The following DNAH7 variants were observed in gnomAD, a reference collection of about 807,000 sequenced individuals.
DNAH7 encodes the protein dynein axonemal heavy chain 7, also known as axonemal beta dynein heavy chain 7.
A neutral mutation model predicts 444.6 loss-of-function variants in DNAH7; 397 were observed. The observed-to-expected ratio is 0.89, with a 90% CI of 0.82 to 0.97. The LOEUF is 0.97. Ranked by LOEUF, DNAH7 falls within the 50% of genes least tolerant of loss-of-function variation. The pLI is 0.00. For synonymous variants in DNAH7, 1,636 were observed against 1,624.4 expected (o/e 1.01, Z -0.17); for missense variants, 4,902 against 4,800.8 (o/e 1.02, Z -0.62).
At chr2:195,994,571 G>T in intron 12 of DNAH7, 1 of 487,250 alleles carries the variant, frequency 2.1e-6, no homozygotes. Flanking sequence ...TCACTGGATT[G>T]TGTGTTTCCA....
At chr2:195,796,309 CA>C (rs1696135486) in intron 56 of DNAH7, among the ~76,000 whole-genome samples, 2 of 152,188 alleles carry the variant, frequency 1.3e-5, no homozygotes, top group Admixed American at 1.3e-4. Context: ...TCTCCTCCTT[CA>C]GCCTGCTCCT....
intron 62 of DNAH7, 30 bp from the exon 63 acceptor site, chr2:195,754,544 G>A (rs371626467): frequency 6.3e-7 from 1 of 1,594,146 alleles, no homozygotes; most frequent in East Asian, 2.2e-5. Flanking sequence ...TGGGCTAACA[G>A]TAGCACCTTT....
chr2:195,809,509 CAATT>C (rs1235748589), intron 52 of DNAH7, among the ~76,000 whole-genome samples: 1 of 152,060 alleles, frequency 6.6e-6, no homozygotes, highest in Non-Finnish European at 1.5e-5. Flanking sequence ...CTAATATAAT[CAATT>C]TATTTTAAAA....
At chr2:195,854,440 T>C (rs566325007) in intron 45 of DNAH7, among the ~76,000 whole-genome samples, 40 of 152,342 alleles carry the variant, frequency 2.6e-4, no homozygotes, top group African/African-American at 9.6e-4. Flanking sequence ...AAAAGATGTA[T>C]AATTCTGTAT....
chr2:195,861,162 T>C (rs542017179), intron 42 of DNAH7, among the ~76,000 whole-genome samples: 50 of 152,288 alleles, frequency 3.3e-4, no homozygotes, highest in South Asian at 8.3e-4. Flanking sequence ...AATGTTATAA[T>C]GTTTTTAAAT....
At chr2:195,778,990 T>G (rs1292522329) in intron 58 of DNAH7, among the ~76,000 whole-genome samples, 1 of 151,708 alleles carries the variant, frequency 6.6e-6, no homozygotes, top group Non-Finnish European at 1.5e-5. Flanking sequence ...ACTACAGGCA[T>G]GTGCCACCAC....
intron 21 of DNAH7, among the ~76,000 whole-genome samples, chr2:195,932,952 T>G (rs1047085776): frequency 2.6e-5 from 4 of 152,168 alleles, no homozygotes; most frequent in African/African-American, 9.7e-5. Context: ...TTAGGGAAGA[T>G]TCCCTCTTTT....
rs762419422 is a variant in DNAH7 at position 195,858,855 on chromosome 2, ATGAAG to A, written c.7737-56_7737-52del. The stretch of plus-strand genomic sequence containing the variant: ...TTAATCATGAGGCTCTGTATCCTAC[ATGAAG>A]GAAAAACTTAAGTGTTTCTGAGCTT... On this transcript the variant is annotated intron_variant, in intron 42 of 64. Transcript: ENST00000312428. 6 of 1,472,534 alleles carry A rather than the reference ATGAAG, an allele frequency of 4.1e-6. No individual in the cohort carries two copies. The South Asian group carries it at 6.8e-5, about 17-fold the overall frequency. The allele number at this position is 1,472,534 out of a possible 1,614,324, so 91.2% of individuals were successfully genotyped here.
chr2:195,900,237 T>G, intron 28 of DNAH7, 45 bp downstream of exon 28: 1 of 1,593,942 alleles, frequency 6.3e-7, no homozygotes. Flanking sequence ...AGGCTGGAAA[T>G]CTACAAATAG....
intron 63 of DNAH7, among the ~76,000 whole-genome samples, chr2:195,747,720 A>G (rs1342359926): frequency 1.3e-5 from 2 of 152,208 alleles, no homozygotes; most frequent in Non-Finnish European, 2.9e-5. Context: ...TATAAACAGA[A>G]CCAAAGACAA....
intron 47 of DNAH7, among the ~76,000 whole-genome samples, chr2:195,841,041 A>G (rs1698652983): frequency 6.6e-6 from 1 of 151,892 alleles, no homozygotes; most frequent in African/African-American, 2.4e-5. Context: ...ATATGCTTCA[A>G]TAATCAAAGA....
chr2:195,985,353 C>T (rs1393607158), intron 14 of DNAH7, among the ~76,000 whole-genome samples: 1 of 152,092 alleles, frequency 6.6e-6, no homozygotes, highest in Non-Finnish European at 1.5e-5. Flanking sequence ...GAAAGAGGGC[C>T]TCCAACATGT....
chr2:196,029,253 TGTTTG>T (rs1450286543), intron 5 of DNAH7, among the ~76,000 whole-genome samples: 28 of 151,298 alleles, frequency 1.9e-4, no homozygotes, highest in African/African-American at 6.1e-4. Context: ...CAGTAACTTT[TGTTTG>T]TTTGTTTGTT....
chr2:195,778,510 G>A (rs1347594039), intron 58 of DNAH7, among the ~76,000 whole-genome samples: 1 of 149,368 alleles, frequency 6.7e-6, no homozygotes, highest in Non-Finnish European at 1.5e-5. Context: ...AGTAGCACAT[G>A]CCTATAGTCC....
Position 195,990,946 on chromosome 2 carries a change from CATAT to C in DNAH7, c.1354-2721_1354-2718del, listed in dbSNP as rs1174041835. Among the ~76,000 whole-genome samples, 213 of 141,926 alleles carry C rather than the reference CATAT, an allele frequency of 1.5e-3. 1 individual carries two copies. Among genetic ancestry groups the C allele is most frequent in the African/African-American group, 5.1e-3 (195 of 38,444 alleles). 93.1% of individuals were successfully genotyped at this position (141,926 alleles called of 152,430 possible). A position where few individuals can be genotyped will look rare whatever the true frequency, so the allele number is the denominator to read the frequency against. On this transcript the variant is annotated intron_variant, in intron 12 of 64. Transcript: ENST00000312428. ...ACATATATATACTTAAATATATATACATATATATACTTAAATATATATACATATA... is the reference window on the plus strand; with the variant it reads ...ACATATATATACTTAAATATATATACATATACTTAAATATATATACATATA...
chr2:195,947,432 A>C (rs1157817845), intron 19 of DNAH7, among the ~76,000 whole-genome samples: 1 of 151,920 alleles, frequency 6.6e-6, no homozygotes, highest in Non-Finnish European at 1.5e-5. Context: ...TCCTAATGCT[A>C]TCCCTCCCCT....
chr2:195,897,807 C>CT (rs1169770498), intron 28 of DNAH7, 42 bp from the exon 29 acceptor site: 2 of 1,164,678 alleles, frequency 1.7e-6, no homozygotes, highest in Non-Finnish European at 2.5e-6. Context: ...TCTGCATCTC[C>CT]TAACAGCACC....
At chr2:196,051,997 C>A (rs890605191) in intron 2 of DNAH7, among the ~76,000 whole-genome samples, 6 of 152,224 alleles carry the variant, frequency 3.9e-5, no homozygotes, top group Non-Finnish European at 5.9e-5. Context: ...AATCTCACTT[C>A]CTGTATATTA....
At chr2:195,888,548 ATAT>A (rs1559188243) in intron 32 of DNAH7, 114 bp from the exon 33 acceptor site, 1 of 1,118,888 alleles carries the variant, frequency 8.9e-7, no homozygotes, top group Non-Finnish European at 1.2e-6. Context: ...GGGAAGCTTA[ATAT>A]TATATAATTT....
Sources: gnomAD v4.1 joint callset for allele counts (sites outside exome capture counted in the v4.1 genomes callset) on GRCh38, gnomAD v4.1.1 for gene constraint, MANE v1.5 for transcripts, NCBI Gene and HGNC (gene_info 2026-07-23, HGNC 2026-07-21) for gene names.